HSF2BP: variants seen among roughly 807,000 people sequenced by gnomAD.
HSF2BP encodes heat shock transcription factor 2 binding protein.
A neutral mutation model predicts 35.0 loss-of-function variants in HSF2BP; 35 were observed. That is an observed-to-expected ratio of 1.00 (90% CI 0.76 to 1.32). HSF2BP has a LOEUF of 1.32. Ranked by LOEUF, HSF2BP falls within the 40% of genes most tolerant of loss-of-function variation. HSF2BP has a pLI of 0.00. For missense variants in HSF2BP, 326 were observed against 321.7 expected, an observed-to-expected ratio of 1.01 and a Z score of -0.10; for synonymous variants, 114 against 117.4, an observed-to-expected ratio of 0.97 and a Z score of 0.18.
At chr21:43,602,054 G>T (rs544312320) in intron 7 of HSF2BP, among the ~76,000 whole-genome samples, 1 of 152,266 alleles carries the variant, frequency 6.6e-6, no homozygotes, top group African/African-American at 2.4e-5. Context: ...AAACAAGGGA[G>T]AACCACACCC....
chr21:43,621,797 A>G (rs1049327282), intron 6 of HSF2BP, among the ~76,000 whole-genome samples: 33 of 152,032 alleles, frequency 2.2e-4, no homozygotes, highest in Admixed American at 2.2e-3. Context: ...TTGAGGGTAT[A>G]AAACCCACTG....
At chr21:43,632,933 G>A (rs981544238) in intron 5 of HSF2BP, among the ~76,000 whole-genome samples, 2 of 151,940 alleles carry the variant, frequency 1.3e-5, no homozygotes, top group African/African-American at 2.4e-5. Context: ...ATGTATATAT[G>A]TTAGATAACA....
At chr21:43,650,269 C>A (rs544623036) in intron 3 of HSF2BP, among the ~76,000 whole-genome samples, 6 of 152,006 alleles carry the variant, frequency 3.9e-5, no homozygotes, top group Admixed American at 1.3e-4. Flanking sequence ...TGCAGTGGTG[C>A]GATCTCGGCT....
rs138750242 is a variant in HSF2BP at position 43,592,258 on chromosome 21, C to T, written c.763G>A (p.Gly255Arg). Residue 255 changes from glycine to arginine, a missense_variant, in exon 8 of 9, where the codon GGA (glycine) becomes AGA (arginine). By Grantham distance (125) the Gly-to-Arg change is moderately radical. Coordinates refer to ENST00000291560, the MANE Select transcript of HSF2BP (RefSeq NM_007031.2). ...KGLKYISESPGFIPLLWWLLS... is the reference protein window; with the variant it reads ...KGLKYISESPRFIPLLWWLLS... ...AGCCACCACAGCAAAGGGATGAATC[C>T]TGGACTCTCGCTGATGTATTTCAAG... is the stretch of plus-strand genomic sequence containing the variant. The T allele has an allele frequency of 1.1e-4, 170 of 1,613,822 alleles. No individual in the cohort carries two copies. The African/African-American group carries it at 1.8e-3, about 17-fold the overall frequency.
chr21:43,599,707 T>C (rs1355967247), intron 7 of HSF2BP, among the ~76,000 whole-genome samples: 2 of 151,638 alleles, frequency 1.3e-5, no homozygotes, highest in Non-Finnish European at 2.9e-5. Flanking sequence ...GGCAGGAGAA[T>C]CATTTGAACC....
chr21:43,620,862 C>T (rs1343125421), intron 6 of HSF2BP, among the ~76,000 whole-genome samples: 1 of 151,920 alleles, frequency 6.6e-6, no homozygotes, highest in African/African-American at 2.4e-5. Context: ...AGCTCAGAGA[C>T]AAGCTATCAA....
At chr21:43,627,931 A>G (rs2082409056) in intron 6 of HSF2BP, among the ~76,000 whole-genome samples, 2 of 152,186 alleles carry the variant, frequency 1.3e-5, no homozygotes, top group Non-Finnish European at 2.9e-5. Flanking sequence ...ATCTGTGATC[A>G]ATGATCTTTG....
chr21:43,573,945 G>A (rs1361968101), intron 8 of HSF2BP, among the ~76,000 whole-genome samples: 1 of 152,184 alleles, frequency 6.6e-6, no homozygotes, highest in East Asian at 1.9e-4. Context: ...AAGTCATCTT[G>A]TCTGCATGGG....
chr21:43,630,366 G>A lies in HSF2BP; in HGVS notation c.530C>T (p.Ser177Leu), dbSNP rs921450782. 6 of 1,612,666 alleles carry A rather than the reference G, an allele frequency of 3.7e-6. No homozygotes were observed. The highest frequency in any genetic ancestry group is 2.2e-5 in the South Asian group (2 of 90,762). The change falls in exon 6 of 9, where the codon TCG becomes TTG. Residue 177 changes from serine (S) to leucine (L), a missense_variant. Transcript: ENST00000291560. ...AGCGAAAACAAACTGACTTTCATCC[G>A]AATCCAGCTCCTGGACATCACCGTC... ...SLDGDVQELD[S>L]DESQFVFALA...
chr21:43,638,845 T>C (rs773713270), intron 4 of HSF2BP, among the ~76,000 whole-genome samples: 6 of 152,160 alleles, frequency 3.9e-5, no homozygotes, highest in Non-Finnish European at 8.8e-5. Context: ...GCTAGAATAG[T>C]TAGGGCAACT....
chr21:43,631,754 T>A (rs2082459316), intron 5 of HSF2BP, among the ~76,000 whole-genome samples: 1 of 152,126 alleles, frequency 6.6e-6, no homozygotes, highest in Non-Finnish European at 1.5e-5. Context: ...CTACTCACTG[T>A]CCTAAAACAA....
chr21:43,617,173 TGAG>T (rs2082281937), intron 6 of HSF2BP, among the ~76,000 whole-genome samples: 2 of 152,064 alleles, frequency 1.3e-5, no homozygotes, highest in African/African-American at 4.8e-5. Context: ...CTTTATATTT[TGAG>T]GAGGTTTGTT....
At chr21:43,598,022 G>A (rs954047255) in intron 7 of HSF2BP, among the ~76,000 whole-genome samples, 2 of 152,076 alleles carry the variant, frequency 1.3e-5, no homozygotes, top group Admixed American at 6.5e-5. Context: ...AGCAAGCTCC[G>A]TGCCTTATCT....
chr21:43,614,362 C>CAAA (rs142666316), intron 6 of HSF2BP, among the ~76,000 whole-genome samples: 3 of 75,586 alleles, frequency 4.0e-5, no homozygotes, highest in East Asian at 4.2e-4. Context: ...AGCCCTGTCT[C>CAAA]AAAAAAAAAA....
At chr21:43,604,435 ACACACACCACG>A (rs2082094810) in intron 7 of HSF2BP, among the ~76,000 whole-genome samples, 1 of 131,642 alleles carries the variant, frequency 7.6e-6, no homozygotes, top group East Asian at 2.4e-4. Context: ...ACCACACCAC[ACACACACCACG>A]CACACACCAC....
chr21:43,589,583 C>T (rs928823933), intron 8 of HSF2BP, among the ~76,000 whole-genome samples: 1 of 152,026 alleles, frequency 6.6e-6, no homozygotes, highest in South Asian at 2.1e-4. Flanking sequence ...CAAAGTTGGA[C>T]GACTTATACT....
At chr21:43,636,122 G>A (rs974494943) in intron 4 of HSF2BP, among the ~76,000 whole-genome samples, 2 of 150,366 alleles carry the variant, frequency 1.3e-5, no homozygotes, top group Non-Finnish European at 3.0e-5. Flanking sequence ...CTGGAAGGTC[G>A]AAGCTGAAGT....
At position 43,659,440 on chromosome 21, in the gene HSF2BP, GCA is replaced by G. The variant is rs1358072325; in HGVS notation, c.-281_-280del. 1.5e-5 allele frequency: 4 copies of G among 274,574 alleles called. No individual in the cohort carries two copies. The highest frequency in any genetic ancestry group is 2.5e-5 in the Non-Finnish European group (4 of 157,928). The allele number at this position is 274,574 out of a possible 1,614,324, so 17.0% of individuals were successfully genotyped here. A position where few individuals can be genotyped will look rare whatever the true frequency, so the allele number is the denominator to read the frequency against. On this transcript the variant is annotated 5_prime_UTR_variant, in exon 1 of 9. Transcript: ENST00000291560. The surrounding 1 kb of genome is among the most constrained non-coding windows in gnomAD (Gnocchi z 4.2). ...CCGAAAGGCAGCGCCGGCGCCACGT[GCA>G]CACGGGCTGGGCCGCTCCGCCAGCT...
intron 6 of HSF2BP, among the ~76,000 whole-genome samples, chr21:43,625,565 A>G (rs1009901624): frequency 6.6e-6 from 1 of 152,092 alleles, no homozygotes; most frequent in East Asian, 1.9e-4. Flanking sequence ...AAAAAAAAAA[A>G]CTAAAGAATG....
Sources: allele counts gnomAD v4.1 joint callset (sites outside exome capture counted in the v4.1 genomes callset), GRCh38; gene constraint gnomAD v4.1.1; non-coding constraint Gnocchi (gnomAD v3.1); transcripts MANE v1.5; gene names NCBI Gene and HGNC (gene_info 2026-07-23, HGNC 2026-07-21).